The following NRXN3 variants were observed in gnomAD, a reference collection of about 807,000 sequenced individuals.
The protein encoded by NRXN3 is neurexin 3.
Under a neutral mutation model 137.6 loss-of-function variants are expected in NRXN3, and 32 were observed. The ratio of observed to expected loss-of-function variants is 0.23; its 90% CI spans 0.18 to 0.31. NRXN3 has a LOEUF of 0.31. Ranked by LOEUF, NRXN3 falls within the 10% of genes least tolerant of loss-of-function variation. The pLI is 1.00. For missense variants in NRXN3, 1,574 were observed against 2,062.5 expected (o/e 0.76, Z 4.59); for synonymous variants, 798 against 784.5 (o/e 1.02, Z -0.29).
intron 16 of NRXN3, among the ~76,000 whole-genome samples, chr14:79,624,669 C>T (rs1185212343): frequency 6.6e-6 from 1 of 152,076 alleles, no homozygotes; most frequent in Non-Finnish European, 1.5e-5. Flanking sequence ...CCTATATCTC[C>T]CCATCTCCTC....
Position 78,773,780 on chromosome 14 carries a change from C to CT in NRXN3, c.2045-29837dup, listed in dbSNP as rs201244552. Among the ~76,000 whole-genome samples the CT allele has an allele frequency of 8.9e-4, 135 of 152,022 alleles. 1 individual carries two copies. The East Asian group carries it at 9.3e-3, about 11-fold the overall frequency. On this transcript the variant is annotated intron_variant, in intron 8 of 20. Coordinates refer to ENST00000335750, the MANE Select transcript of NRXN3 (RefSeq NM_001330195.2). ...TTCTTCAATTTTAATAATTCCTATA[C>CT]TTTATTTACTTATTTGTTTGTTTGT...
chr14:78,517,524 G>A (rs1010061614), intron 4 of NRXN3, among the ~76,000 whole-genome samples: 7 of 152,076 alleles, frequency 4.6e-5, no homozygotes, highest in South Asian at 2.1e-4. Context: ...TTATCAAAAA[G>A]CCCATATGCT....
rs542628907 is a variant in NRXN3, at chr14:79,136,911, A to G, written c.3262+148770A>G. 4.6e-5 allele frequency among the ~76,000 whole-genome samples: 7 copies of G among 152,332 alleles called. 1 individual carries two copies. The highest frequency in any genetic ancestry group is 1.7e-4 in the African/African-American group (7 of 41,568). ...TGCCAGGAATTGGGATATGGAAAAG[A>G]GCTCAGAAAACTACAGGAGGCATCC... On this transcript the variant is annotated intron_variant, in intron 15 of 20. Coordinates refer to ENST00000335750, the MANE Select transcript of NRXN3 (RefSeq NM_001330195.2).
chr14:78,568,466 A>G (rs2096856984), intron 4 of NRXN3, among the ~76,000 whole-genome samples: 1 of 152,160 alleles, frequency 6.6e-6, no homozygotes, highest in Admixed American at 6.5e-5. Context: ...AGTTTATGGC[A>G]TTTTGTTGTA....
chr14:79,195,474 C>T (rs1428702512), intron 15 of NRXN3, among the ~76,000 whole-genome samples: 1 of 152,200 alleles, frequency 6.6e-6, no homozygotes, highest in Non-Finnish European at 1.5e-5. Flanking sequence ...TCTCTACTTT[C>T]TCCAGCTTAA....
intron 15 of NRXN3, among the ~76,000 whole-genome samples, chr14:79,001,724 C>T (rs17108531): frequency 0.19 from 29,186 of 152,158 alleles, 7,808 homozygotes; most frequent in African/African-American, 0.6. Flanking sequence ...AGGGAATTAG[C>T]GTGGACCTGA....
At chr14:78,252,866 C>T (rs955954880) in intron 2 of NRXN3, among the ~76,000 whole-genome samples, 5 of 152,222 alleles carry the variant, frequency 3.3e-5, no homozygotes, top group Non-Finnish European at 5.9e-5. Context: ...GAGGGATACG[C>T]TGGAAAGCAA....
At chr14:79,751,371 TTGTC>T (rs2098996949) in intron 19 of NRXN3, among the ~76,000 whole-genome samples, 1 of 151,830 alleles carries the variant, frequency 6.6e-6, no homozygotes, top group Non-Finnish European at 1.5e-5. Flanking sequence ...GGCTCTCTGT[TTGTC>T]TGTTGTTGGT....
At chr14:78,903,885 C>A (rs933012868) in intron 10 of NRXN3, among the ~76,000 whole-genome samples, 2 of 152,054 alleles carry the variant, frequency 1.3e-5, no homozygotes, top group African/African-American at 4.8e-5. Flanking sequence ...TGAGCCTCTG[C>A]ACACGTAAAT....
intron 16 of NRXN3, among the ~76,000 whole-genome samples, chr14:79,515,977 A>C (rs373355317): frequency 1.3e-5 from 2 of 152,188 alleles, no homozygotes; most frequent in East Asian, 3.9e-4. Context: ...TAAGAGTAAA[A>C]GGAGAGCCAA....
chr14:78,498,977 G>C (rs988326511), intron 4 of NRXN3, among the ~76,000 whole-genome samples: 3 of 151,924 alleles, frequency 2.0e-5, no homozygotes, highest in Non-Finnish European at 4.4e-5. Context: ...AATGTTGTTA[G>C]CTTCTCTGTA....
chr14:78,548,167 C>CT (rs1333792543), intron 4 of NRXN3, among the ~76,000 whole-genome samples: 1 of 151,914 alleles, frequency 6.6e-6, no homozygotes, highest in African/African-American at 2.4e-5. Context: ...AAAACTATCT[C>CT]TTTTTGCTGA....
intron 15 of NRXN3, among the ~76,000 whole-genome samples, chr14:79,173,572 T>C (rs186409366): frequency 9.5e-4 from 143 of 150,694 alleles, no homozygotes; most frequent in Admixed American, 1.6e-3. Flanking sequence ...AAAGATATCA[T>C]TGCCAAATTC....
At chr14:79,493,351 A>G (rs1337739013) in intron 16 of NRXN3, among the ~76,000 whole-genome samples, 1 of 152,248 alleles carries the variant, frequency 6.6e-6, no homozygotes, top group South Asian at 2.1e-4. Flanking sequence ...TGAAAGCCAT[A>G]CATTCAGAAT....
chr14:79,464,984 T>C (rs2096402935), intron 15 of NRXN3, among the ~76,000 whole-genome samples: 1 of 152,334 alleles, frequency 6.6e-6, no homozygotes, highest in African/African-American at 2.4e-5. Context: ...CAAAATTATT[T>C]CCTGATAGAG....
intron 1 of NRXN3, among the ~76,000 whole-genome samples, chr14:78,235,014 A>ATG (rs1246483765): frequency 1.6e-4 from 15 of 96,250 alleles, no homozygotes; most frequent in African/African-American, 5.4e-4. Flanking sequence ...ATATATATAT[A>ATG]TATATATATG....
chr14:79,422,293 G>A (rs574723252), intron 15 of NRXN3, among the ~76,000 whole-genome samples: 1 of 152,068 alleles, frequency 6.6e-6, no homozygotes, highest in East Asian at 1.9e-4. Flanking sequence ...TGAACTCCTG[G>A]GCTCAAGCAT....
chr14:79,316,503 A>G (rs2088714189), intron 15 of NRXN3, among the ~76,000 whole-genome samples: 1 of 152,218 alleles, frequency 6.6e-6, no homozygotes, highest in Non-Finnish European at 1.5e-5. Flanking sequence ...TTGTGGAAAG[A>G]GGGGAAAGGG....
intron 4 of NRXN3, among the ~76,000 whole-genome samples, chr14:78,538,620 G>A (rs900025417): frequency 1.3e-5 from 2 of 152,162 alleles, no homozygotes; most frequent in African/African-American, 4.8e-5. Flanking sequence ...TCTCCTGCCT[G>A]ATTGCCCTGG....
Sources: allele counts gnomAD v4.1 joint callset (sites outside exome capture counted in the v4.1 genomes callset), GRCh38; gene constraint gnomAD v4.1.1; transcripts MANE v1.5; gene names NCBI Gene and HGNC (gene_info 2026-07-23, HGNC 2026-07-21).